The following NDUFS4 variants were observed in gnomAD, a reference collection of about 807,000 sequenced individuals.
NDUFS4 encodes NADH:ubiquinone oxidoreductase subunit S4, also known as NADH dehydrogenase [ubiquinone] iron-sulfur protein 4, mitochondrial.
In NDUFS4, 28 loss-of-function variants were observed where a neutral mutation model predicts 24.3. The ratio of observed to expected loss-of-function variants is 1.15; its 90% CI spans 0.85 to 1.58. The LOEUF (loss-of-function observed/expected upper bound fraction) is 1.58, where lower values mean the gene tolerates loss of function less well. NDUFS4 is among the 40% of genes most tolerant of loss of function. NDUFS4 has a pLI of 0.00. For missense variants in NDUFS4, 223 were observed against 207.9 expected (o/e 1.07, Z -0.45); for synonymous variants, 93 against 69.7 (o/e 1.34, Z -1.67).
At position 53,560,909 on chromosome 5, in the gene NDUFS4, T is replaced by G. The variant is rs1409074258; in HGVS notation, c.98+149T>G. The G allele has an allele frequency of 2.8e-5, 42 of 1,517,898 alleles. No individual in the cohort carries two copies. The East Asian group carries it at 1.0e-3, about 36-fold the overall frequency. The allele number at this position is 1,517,898 out of a possible 1,614,324, so 94.0% of individuals were successfully genotyped here. On this transcript the variant is annotated intron_variant, in intron 1 of 4. Transcript: ENST00000296684. ...GAAGTCGGGCGGACTAGGGACTGTCTGCTATCAATGGGCGTTGGCCAGGCG... is the reference window on the plus strand; with the variant it reads ...GAAGTCGGGCGGACTAGGGACTGTCGGCTATCAATGGGCGTTGGCCAGGCG...
At position 53,592,085 on chromosome 5, in the gene NDUFS4, C is replaced by T. The variant is rs369839647; in HGVS notation, c.99-11367C>T. ...TCTTGAGTAGCTGGAATTACAGGCA[C>T]GTGCCACCATGCCTGGCGAATTTTT... is the stretch of plus-strand genomic sequence containing the variant. On this transcript the variant is annotated intron_variant, in intron 1 of 4. Coordinates refer to ENST00000296684, the MANE Select transcript of NDUFS4 (RefSeq NM_002495.4). Among the ~76,000 whole-genome samples the T allele has an allele frequency of 5.8e-4, 88 of 151,980 alleles. 1 individual carries two copies. The South Asian group carries it at 9.4e-3, about 16-fold the overall frequency.
intron 1 of NDUFS4, among the ~76,000 whole-genome samples, chr5:53,562,713 T>C (rs1748888142): frequency 6.6e-6 from 1 of 152,224 alleles, no homozygotes; most frequent in South Asian, 2.1e-4. Context: ...CCTTACATAT[T>C]GTTTGTTCTT....
intron 4 of NDUFS4, among the ~76,000 whole-genome samples, chr5:53,676,156 G>A (rs1740462469): frequency 6.6e-6 from 1 of 152,220 alleles, no homozygotes; most frequent in African/African-American, 2.4e-5. Flanking sequence ...GTAGGGTAAA[G>A]AAATGTTGAG....
intron 1 of NDUFS4, among the ~76,000 whole-genome samples, chr5:53,575,748 G>A (rs537218741): frequency 9.2e-4 from 139 of 151,800 alleles, no homozygotes; most frequent in African/African-American, 3.2e-3. Context: ...CACCATGATG[G>A]CCAGGCTGGT....
At chr5:53,596,761 A>G (rs1750146614) in intron 1 of NDUFS4, among the ~76,000 whole-genome samples, 1 of 152,200 alleles carries the variant, frequency 6.6e-6, no homozygotes, top group Admixed American at 6.5e-5. Context: ...GTCTGGGTTA[A>G]TTTAATTTGT....
intron 1 of NDUFS4, among the ~76,000 whole-genome samples, chr5:53,571,970 G>C (rs576699482): frequency 1.7e-3 from 254 of 152,282 alleles, no homozygotes; most frequent in South Asian, 6.2e-3. Flanking sequence ...CTAGGTTCAT[G>C]GTTGAGCCCC....
intron 4 of NDUFS4, among the ~76,000 whole-genome samples, chr5:53,672,750 T>A (rs749288060): frequency 2.2e-4 from 34 of 152,154 alleles, no homozygotes; most frequent in Non-Finnish European, 3.2e-4. Flanking sequence ...TATGCTTTCT[T>A]GTATGCTTTG....
intron 2 of NDUFS4, among the ~76,000 whole-genome samples, chr5:53,621,942 T>C (rs948137548): frequency 3.9e-5 from 6 of 152,012 alleles, no homozygotes; most frequent in Admixed American, 3.9e-4. Context: ...CCTCATGATC[T>C]GCCCGTCTCG....
chr5:53,627,820 T>C (rs1751277761), intron 2 of NDUFS4, among the ~76,000 whole-genome samples: 1 of 152,222 alleles, frequency 6.6e-6, no homozygotes, highest in African/African-American at 2.4e-5. Context: ...AATAATGTCA[T>C]CTGCAAGCAG....
intron 4 of NDUFS4, 118 bp downstream of exon 4, chr5:53,658,742 T>A: frequency 1.5e-6 from 1 of 662,886 alleles, no homozygotes; most frequent in Non-Finnish European, 2.5e-6. Context: ...TTGTATCTAA[T>A]CCAGTGGTTT....
intron 1 of NDUFS4, among the ~76,000 whole-genome samples, chr5:53,563,568 C>T (rs1222131422): frequency 1.3e-5 from 2 of 151,552 alleles, no homozygotes; most frequent in Admixed American, 1.3e-4. Flanking sequence ...GTGGCACAAT[C>T]TCAGTTCACT....
At chr5:53,624,335 C>G (rs1193591971) in intron 2 of NDUFS4, among the ~76,000 whole-genome samples, 1 of 152,112 alleles carries the variant, frequency 6.6e-6, no homozygotes, top group East Asian at 1.9e-4. Context: ...ACAAAGATTT[C>G]ACGTGAATTT....
chr5:53,625,623 G>A (rs562697082), intron 2 of NDUFS4, among the ~76,000 whole-genome samples: 75 of 152,144 alleles, frequency 4.9e-4, no homozygotes, highest in African/African-American at 1.8e-3. Context: ...TTCTGTTGGT[G>A]TCCAATTTTC....
intron 2 of NDUFS4, among the ~76,000 whole-genome samples, chr5:53,612,003 A>G (rs1300321002): frequency 2.6e-5 from 4 of 152,040 alleles, no homozygotes; most frequent in African/African-American, 9.7e-5. Flanking sequence ...TTTTTAGCCC[A>G]TTTTTTACAC....
At chr5:53,600,456 G>C (rs1193193847) in intron 1 of NDUFS4, among the ~76,000 whole-genome samples, 1 of 151,962 alleles carries the variant, frequency 6.6e-6, no homozygotes, top group African/African-American at 2.4e-5. Flanking sequence ...CTACAGGCAT[G>C]CCCCACCAAG....
intron 2 of NDUFS4, among the ~76,000 whole-genome samples, chr5:53,618,410 T>G (rs1383074527): frequency 2.0e-5 from 3 of 152,182 alleles, no homozygotes; most frequent in African/African-American, 7.2e-5. Context: ...TAATCAGTTT[T>G]GAATTATTAT....
chr5:53,588,356 C>A (rs1170639274), intron 1 of NDUFS4, among the ~76,000 whole-genome samples: 1 of 152,128 alleles, frequency 6.6e-6, no homozygotes, highest in Non-Finnish European at 1.5e-5. Context: ...ACATTTGTTT[C>A]TCCGCACACC....
chr5:53,634,908 G>A (rs1055481340), intron 2 of NDUFS4, among the ~76,000 whole-genome samples: 1 of 151,988 alleles, frequency 6.6e-6, no homozygotes, highest in African/African-American at 2.4e-5. Context: ...GAAAAATCTG[G>A]CTGGGTGTGG....
intron 3 of NDUFS4, among the ~76,000 whole-genome samples, chr5:53,654,536 C>A (rs2112516974): frequency 6.6e-6 from 1 of 151,910 alleles, no homozygotes; most frequent in South Asian, 2.1e-4. Context: ...CATATTTTTT[C>A]TCTACGGTCT....
Sources: allele counts gnomAD v4.1 joint callset (sites outside exome capture counted in the v4.1 genomes callset), GRCh38; gene constraint gnomAD v4.1.1; transcripts MANE v1.5; gene names NCBI Gene and HGNC (gene_info 2026-07-23, HGNC 2026-07-21).